Variants in GRM1 observed in about 807,000 individuals in gnomAD.
GRM1 encodes the protein glutamate metabotropic receptor 1.
In GRM1, 33 loss-of-function variants were observed where a neutral mutation model predicts 90.9. The observed-to-expected ratio is 0.36, with a 90% CI of 0.28 to 0.49. GRM1 has a LOEUF of 0.49. Among genes scored for constraint, GRM1 ranks in the 20% least tolerant of loss-of-function variants. The pLI is 0.99. For synonymous variants in GRM1, 700 were observed against 613.2 expected, an observed-to-expected ratio of 1.14 and a Z score of -2.09; for missense variants, 1,190 against 1,534.3, an observed-to-expected ratio of 0.78 and a Z score of 3.75.
chr6:146,380,530 C>T (rs1776284623), intron 5 of GRM1, among the ~76,000 whole-genome samples: 1 of 152,152 alleles, frequency 6.6e-6, no homozygotes, highest in African/African-American at 2.4e-5. Flanking sequence ...GGGACATACC[C>T]TTCAGGGCAG....
chr6:146,307,059 T>C (rs929827737), intron 3 of GRM1, among the ~76,000 whole-genome samples: 1 of 152,200 alleles, frequency 6.6e-6, no homozygotes, highest in African/African-American at 2.4e-5. Context: ...GATATTTTGT[T>C]GAGCTCTCAA....
At position 146,435,119 on chromosome 6, in the gene GRM1, ATGTCCTCTTTTGCACAATTG is replaced by A. The variant is rs1778556175; in HGVS notation, c.*326_*345del. 2.1e-6 allele frequency: 1 copy of A among 465,982 alleles called. No homozygotes were observed. The highest frequency in any genetic ancestry group is 3.4e-5 in the Admixed American group (1 of 29,730). 28.9% of individuals were successfully genotyped at this position (465,982 alleles called of 1,614,324 possible). On this transcript the variant is annotated 3_prime_UTR_variant, in exon 8 of 8. Coordinates refer to ENST00000282753, the MANE Select transcript of GRM1 (RefSeq NM_001278064.2). The stretch of plus-strand genomic sequence containing the variant: ...ATCAAATAGTGACATCACAAACATA[ATGTCCTCTTTTGCACAATTG>A]TGCATAGATATATATATGCCCACAC...
At chr6:146,380,079 G>T (rs1289162497) in intron 5 of GRM1, among the ~76,000 whole-genome samples, 1 of 151,946 alleles carries the variant, frequency 6.6e-6, no homozygotes, top group Non-Finnish European at 1.5e-5. Flanking sequence ...GCACAGTATT[G>T]GTTCTTTCTC....
At chr6:146,212,367 A>C (rs1398150420) in intron 2 of GRM1, among the ~76,000 whole-genome samples, 1 of 152,226 alleles carries the variant, frequency 6.6e-6, no homozygotes, top group African/African-American at 2.4e-5. Context: ...GCATTCCCAA[A>C]AAGATTTCAT....
intron 1 of GRM1, among the ~76,000 whole-genome samples, chr6:146,050,707 C>A (rs1326372273): frequency 6.6e-6 from 1 of 151,996 alleles, no homozygotes; most frequent in Non-Finnish European, 1.5e-5. Flanking sequence ...CTACACACTG[C>A]CAATTAATTT....
intron 5 of GRM1, among the ~76,000 whole-genome samples, chr6:146,371,749 A>C (rs1775910328): frequency 6.6e-6 from 1 of 152,052 alleles, no homozygotes; most frequent in African/African-American, 2.4e-5. Flanking sequence ...ATTTTACTTA[A>C]CATAATAATC....
At chr6:146,361,966 AG>A (rs1403668908) in intron 5 of GRM1, among the ~76,000 whole-genome samples, 4 of 152,240 alleles carry the variant, frequency 2.6e-5, no homozygotes, top group Non-Finnish European at 5.9e-5. Flanking sequence ...ATATTTGTGA[AG>A]GAGGCTGGAA....
intron 2 of GRM1, among the ~76,000 whole-genome samples, chr6:146,200,221 G>C (rs1213887341): frequency 1.3e-5 from 2 of 152,154 alleles, no homozygotes; most frequent in Non-Finnish European, 2.9e-5. Flanking sequence ...CTGCTCATCT[G>C]TTTGTGCCGT....
At chr6:146,190,951 T>C (rs934201640) in intron 2 of GRM1, among the ~76,000 whole-genome samples, 1 of 152,188 alleles carries the variant, frequency 6.6e-6, no homozygotes, top group Non-Finnish European at 1.5e-5. Flanking sequence ...CTCCTTGGAA[T>C]TGTATTCATA....
chr6:146,060,942 C>T (rs1159016841), intron 1 of GRM1, among the ~76,000 whole-genome samples: 1 of 152,056 alleles, frequency 6.6e-6, no homozygotes, highest in African/African-American at 2.4e-5. Flanking sequence ...AGTAGCCATT[C>T]TGACTGATGT....
intron 2 of GRM1, among the ~76,000 whole-genome samples, chr6:146,170,848 AT>A (rs1399209057): frequency 1.3e-5 from 2 of 151,980 alleles, no homozygotes; most frequent in East Asian, 3.9e-4. Flanking sequence ...AAAAAATCTC[AT>A]TTTTGGTTAA....
At chr6:146,047,451 C>G (rs947074569) in intron 1 of GRM1, among the ~76,000 whole-genome samples, 7 of 151,750 alleles carry the variant, frequency 4.6e-5, no homozygotes, top group Non-Finnish European at 1.0e-4. Context: ...AAACTTATTG[C>G]AATGTTTTGC....
chr6:146,044,076 T>C lies in GRM1; in HGVS notation c.700+13859T>C, dbSNP rs534876168. 3.3e-5 allele frequency among the ~76,000 whole-genome samples: 5 copies of C among 151,940 alleles called. No homozygotes were observed. The East Asian group carries it at 9.7e-4, about 30-fold the overall frequency. ...CTCAGATGCTCACCTGTTCCTGCCA[T>C]TTCCTTCTTAGTGCATTCTGGGACC... On this transcript the variant is annotated intron_variant, in intron 1 of 7. Coordinates refer to ENST00000282753, the MANE Select transcript of GRM1 (RefSeq NM_001278064.2).
chr6:146,175,399 C>G (rs1230865804), intron 2 of GRM1, among the ~76,000 whole-genome samples: 1 of 152,136 alleles, frequency 6.6e-6, no homozygotes, highest in Non-Finnish European at 1.5e-5. Context: ...ATAATAGATT[C>G]TTGTTACAAC....
intron 3 of GRM1, among the ~76,000 whole-genome samples, chr6:146,306,223 C>T (rs143031628): frequency 1.1e-4 from 17 of 152,248 alleles, no homozygotes; most frequent in East Asian, 5.8e-4. Flanking sequence ...ACCTCTGCCA[C>T]GTAGGTGTTT....
chr6:146,280,332 A>G (rs1003396827), intron 2 of GRM1, among the ~76,000 whole-genome samples: 4 of 152,134 alleles, frequency 2.6e-5, no homozygotes, highest in Admixed American at 1.3e-4. Context: ...GCTACTGTAG[A>G]TATTTGTCAA....
chr6:146,057,780 A>G (rs1259674542), intron 1 of GRM1, among the ~76,000 whole-genome samples: 1 of 152,136 alleles, frequency 6.6e-6, no homozygotes, highest in Non-Finnish European at 1.5e-5. Context: ...ATATGGAATC[A>G]AACTCAGAAT....
intron 2 of GRM1, among the ~76,000 whole-genome samples, chr6:146,255,879 CACTCTTCAATCTACTAAA>C (rs1327587153): frequency 3.5e-4 from 53 of 152,256 alleles, no homozygotes; most frequent in African/African-American, 1.2e-3. Flanking sequence ...ATCAAGCATT[CACTCTTCAATCTACTAAA>C]ACTCTTCCCT....
intron 1 of GRM1, among the ~76,000 whole-genome samples, chr6:146,046,329 A>G (rs1007334726): frequency 2.6e-5 from 4 of 152,044 alleles, no homozygotes; most frequent in Non-Finnish European, 2.9e-5. Context: ...TTAAAATGAT[A>G]GATTATATGC....
Sources: allele counts gnomAD v4.1 joint callset (sites outside exome capture counted in the v4.1 genomes callset), GRCh38; gene constraint gnomAD v4.1.1; transcripts MANE v1.5; gene names NCBI Gene and HGNC (gene_info 2026-07-23, HGNC 2026-07-21).